SREBF2: variants seen among roughly 807,000 people sequenced by gnomAD.
SREBF2 encodes the protein sterol regulatory element-binding protein 2.
SREBF2 carries 55 observed loss-of-function variants against 113.1 expected under a neutral mutation model. That is an observed-to-expected ratio of 0.49 (90% confidence interval 0.39 to 0.61). SREBF2 has a LOEUF of 0.61. Among genes scored for constraint, SREBF2 ranks in the 20% least tolerant of loss-of-function variants. SREBF2 has a pLI of 0.00. For synonymous variants in SREBF2, 593 were observed against 605.7 expected, an observed-to-expected ratio of 0.98 and a Z score of 0.31; for missense variants, 1,349 against 1,487.4, an observed-to-expected ratio of 0.91 and a Z score of 1.53.
At chr22:41,868,879 G>A in intron 3 of SREBF2, 87 bp downstream of exon 3, 2 of 1,516,476 alleles carry the variant, frequency 1.3e-6, no homozygotes, top group Non-Finnish European at 1.8e-6. Context: ...TACTAAGAAG[G>A]ACCAACCAGA....
At chr22:41,852,565 G>A (rs1296990922) in intron 1 of SREBF2, among the ~76,000 whole-genome samples, 3 of 151,722 alleles carry the variant, frequency 2.0e-5, no homozygotes, top group African/African-American at 4.8e-5. Context: ...AACCCTACAG[G>A]CCATGGGAGA....
chr22:41,867,097 A>G lies in SREBF2; in HGVS notation c.355A>G (p.Thr119Ala), dbSNP rs753434005. The G allele has an allele frequency of 3.7e-6, 6 of 1,613,786 alleles. No homozygotes were observed. The African/African-American group carries it at 8.0e-5, about 22-fold the overall frequency. Reference protein sequence around the residue: ...APTLQVKVSPTSVPTTPRATP... With the variant: ...APTLQVKVSPASVPTTPRATP... ...AACTCTGCAAGTCAAGGTTTCTCCC[A>G]CCTCAGTTCCCACCACACCCAGGGC... The change falls in exon 2 of 19, where the codon ACC (threonine) becomes GCC (alanine). Residue 119 changes from threonine (T) to alanine (A), a missense_variant. Transcript: ENST00000361204.
chr22:41,863,654 C>T (rs1352642168), intron 1 of SREBF2, among the ~76,000 whole-genome samples: 1 of 152,148 alleles, frequency 6.6e-6, no homozygotes, highest in African/African-American at 2.4e-5. Flanking sequence ...GCCCATTTCT[C>T]CCTCGCACAA....
intron 1 of SREBF2, among the ~76,000 whole-genome samples, chr22:41,834,210 C>T (rs2076746947): frequency 6.6e-6 from 1 of 152,168 alleles, no homozygotes; most frequent in South Asian, 2.1e-4. Flanking sequence ...CTTGCAGTTC[C>T]TTGGCCAGTA....
At chr22:41,857,886 A>T (rs1285307974) in intron 1 of SREBF2, among the ~76,000 whole-genome samples, 1 of 152,076 alleles carries the variant, frequency 6.6e-6, no homozygotes, top group African/African-American at 2.4e-5. Flanking sequence ...CAGTTGAAGG[A>T]TGTGGTTGAA....
intron 7 of SREBF2, 38 bp from the exon 8 acceptor site, chr22:41,877,191 T>C: frequency 1.0e-5 from 16 of 1,597,160 alleles, no homozygotes; most frequent in Non-Finnish European, 1.4e-5. Context: ...TAAAAACCTA[T>C]GCAGTATTTA....
At position 41,877,852 on chromosome 22, in the gene SREBF2, T is replaced by A. The variant is rs2077210908; in HGVS notation, c.1580-90T>A. 23 of 1,365,374 alleles carry A rather than the reference T, an allele frequency of 1.7e-5. No individual in the cohort carries two copies. In the South Asian group the frequency reaches 2.5e-4, roughly 15 times the overall value. The allele number at this position is 1,365,374 out of a possible 1,614,324, so 84.6% of individuals were successfully genotyped here. A position where few individuals can be genotyped will look rare whatever the true frequency, so the allele number is the denominator to read the frequency against. On this transcript the variant is annotated intron_variant, in intron 8 of 18. Transcript: ENST00000361204. ...TTCTTCTGAAAATGAGGTAGAAGAC[T>A]CTTTCCTGTGATAGTGCTGGGGTCT... is the stretch of plus-strand genomic sequence containing the variant.
intron 11 of SREBF2, 117 bp downstream of exon 11, chr22:41,885,128 G>C: frequency 8.0e-7 from 1 of 1,251,492 alleles, no homozygotes; most frequent in Non-Finnish European, 1.1e-6. Context: ...CACCTGGAGG[G>C]GTAGGCAGGC....
intron 12 of SREBF2, 22 bp from the exon 13 acceptor site, chr22:41,894,798 C>A (rs992750506): frequency 1.9e-6 from 3 of 1,606,960 alleles, no homozygotes; most frequent in Admixed American, 1.7e-5. Context: ...CATTTAACCC[C>A]CCTTGCCTGT....
intron 3 of SREBF2, among the ~76,000 whole-genome samples, chr22:41,869,760 C>T (rs1303224360): frequency 2.0e-5 from 3 of 152,138 alleles, no homozygotes; most frequent in Non-Finnish European, 2.9e-5. Flanking sequence ...GCTGAGACTA[C>T]AGGTGGGAGC....
chr22:41,899,390 C>T (rs1449194536), intron 15 of SREBF2: 3 of 1,005,214 alleles, frequency 3.0e-6, no homozygotes, highest in Non-Finnish European at 1.2e-6. Context: ...GCAGCCCTGC[C>T]TGCTGACTCC....
chr22:41,869,083 A>C (rs1182726105), intron 3 of SREBF2, among the ~76,000 whole-genome samples: 1 of 152,114 alleles, frequency 6.6e-6, no homozygotes, highest in Non-Finnish European at 1.5e-5. Context: ...TTTCTTTTTC[A>C]TAGTTTTGTG....
At chr22:41,899,530 G>A in intron 15 of SREBF2, 2 of 991,964 alleles carry the variant, frequency 2.0e-6, no homozygotes, top group Non-Finnish European at 2.4e-6. Flanking sequence ...CCCTTAACCG[G>A]CGCACAGGAA....
At chr22:41,887,923 C>A (rs147319494) in intron 11 of SREBF2, among the ~76,000 whole-genome samples, 3 of 152,192 alleles carry the variant, frequency 2.0e-5, no homozygotes, top group African/African-American at 4.8e-5. Flanking sequence ...CCTCTTCTTA[C>A]ATTTATTGGC....
rs765957467 is a variant in SREBF2 at position 41,900,517 on chromosome 22, G to A, written c.2907+19G>A. On this transcript the variant is annotated intron_variant, in intron 16 of 18. Coordinates refer to ENST00000361204, the MANE Select transcript of SREBF2 (RefSeq NM_004599.4). ...CAACCACGTGAGTGGGAGCTGAGTTGGCCCCTGGGGGAGGTGCTCTGCACT... is the reference window on the plus strand; with the variant it reads ...CAACCACGTGAGTGGGAGCTGAGTTAGCCCCTGGGGGAGGTGCTCTGCACT... 2.4e-5 allele frequency: 38 copies of A among 1,610,470 alleles called. No individual in the cohort carries two copies. The highest frequency in any genetic ancestry group is 1.7e-6 in the Non-Finnish European group (2 of 1,178,276).
chr22:41,876,411 C>G (rs2077198335), intron 7 of SREBF2, among the ~76,000 whole-genome samples: 2 of 152,114 alleles, frequency 1.3e-5, no homozygotes, highest in Admixed American at 1.3e-4. Flanking sequence ...TTGAAATATT[C>G]TTATAAATGT....
chr22:41,849,117 G>C (rs2076904058), intron 1 of SREBF2, among the ~76,000 whole-genome samples: 1 of 152,132 alleles, frequency 6.6e-6, no homozygotes, highest in African/African-American at 2.4e-5. Context: ...CATTCCAGCA[G>C]GTTCCTCTTG....
intron 1 of SREBF2, among the ~76,000 whole-genome samples, chr22:41,840,250 G>A (rs2076816174): frequency 6.6e-6 from 1 of 152,020 alleles, no homozygotes; most frequent in Admixed American, 6.6e-5. Flanking sequence ...GAGCCACCGC[G>A]CCCGGCCCAC....
Position 41,871,137 on chromosome 22 carries a change from G to C in SREBF2, c.867+102G>C. ...CTCTATATGCTGAGTAGGTATGGGA[G>C]GGTCTATAGCACAAATCAGTCAAAT... On this transcript the variant is annotated intron_variant, in intron 4 of 18. Transcript: ENST00000361204. 4.0e-6 allele frequency: 6 copies of C among 1,493,138 alleles called. No homozygotes were observed. In the South Asian group the frequency reaches 7.0e-5, roughly 18 times the overall value. 92.5% of individuals were successfully genotyped at this position (1,493,138 alleles called of 1,614,324 possible).
Sources: gnomAD v4.1 joint callset for allele counts (sites outside exome capture counted in the v4.1 genomes callset) on GRCh38, gnomAD v4.1.1 for gene constraint, MANE v1.5 for transcripts, NCBI Gene and HGNC (gene_info 2026-07-23, HGNC 2026-07-21) for gene names.